The following CAMK2D variants were observed in gnomAD, a reference collection of about 807,000 sequenced individuals.
CAMK2D encodes calcium/calmodulin-dependent protein kinase type II subunit delta.
A neutral mutation model predicts 84.0 loss-of-function variants in CAMK2D; 37 were observed. That is an observed-to-expected ratio of 0.44 (90% CI 0.34 to 0.58). The LOEUF is 0.58. Ranked by LOEUF, CAMK2D falls within the 20% of genes least tolerant of loss-of-function variation. CAMK2D has a pLI of 0.02. For synonymous variants in CAMK2D, 202 were observed against 212.5 expected (o/e 0.95, Z 0.43); for missense variants, 448 against 652.5 (o/e 0.69, Z 3.41).
At chr4:113,637,639 T>C (rs186984049) in intron 3 of CAMK2D, among the ~76,000 whole-genome samples, 8 of 152,296 alleles carry the variant, frequency 5.3e-5, no homozygotes, top group Middle Eastern at 3.4e-3. Flanking sequence ...AATCCAACTA[T>C]TCAGGGGGTT....
At chr4:113,639,279 A>T (rs187716463) in intron 3 of CAMK2D, among the ~76,000 whole-genome samples, 15 of 152,198 alleles carry the variant, frequency 9.9e-5, no homozygotes, top group African/African-American at 2.9e-4. Flanking sequence ...AAGAAAAAAA[A>T]TGCATAGTAA....
chr4:113,726,374 C>CTTTTTTTT (rs34696947), intron 2 of CAMK2D, among the ~76,000 whole-genome samples: 43 of 69,570 alleles, frequency 6.2e-4, no homozygotes, highest in African/African-American at 1.0e-3. Context: ...TTTGCTTGGG[C>CTTTTTTTT]TTTTTTTTTT....
intron 16 of CAMK2D, among the ~76,000 whole-genome samples, chr4:113,472,833 CTATT>C (rs2097562728): frequency 6.6e-6 from 1 of 152,110 alleles, no homozygotes; most frequent in African/African-American, 2.4e-5. Flanking sequence ...GTTAGCAATT[CTATT>C]TATTTACTTT....
intron 16 of CAMK2D, among the ~76,000 whole-genome samples, chr4:113,500,150 CT>C (rs2098013469): frequency 6.6e-6 from 1 of 152,056 alleles, no homozygotes; most frequent in South Asian, 2.1e-4. Flanking sequence ...TACTTTTTGA[CT>C]GACAAATTTA....
chr4:113,551,795 C>T lies in CAMK2D; in HGVS notation c.341+236G>A, dbSNP rs115279595. 3.8e-3 allele frequency among the ~76,000 whole-genome samples: 574 copies of T among 152,126 alleles called. 2 individuals carry two copies. Among genetic ancestry groups the T allele is most frequent in the African/African-American group, 0.013 (550 of 41,520 alleles). On this transcript the variant is annotated intron_variant, in intron 5 of 20. Transcript: ENST00000511664. ...TATATTGCTTTAGCAGAAGTCATTC[C>T]AATTAGGTGGGGTGTTTTGGTTTGT... is the stretch of plus-strand genomic sequence containing the variant.
chr4:113,636,631 C>T (rs1013443895), intron 3 of CAMK2D, among the ~76,000 whole-genome samples: 1 of 152,174 alleles, frequency 6.6e-6, no homozygotes, highest in Non-Finnish European at 1.5e-5. Flanking sequence ...CAGATGAAGA[C>T]CTGCTTCCTG....
intron 8 of CAMK2D, among the ~76,000 whole-genome samples, chr4:113,518,252 G>A (rs1490100619): frequency 1.3e-5 from 2 of 151,980 alleles, no homozygotes; most frequent in African/African-American, 2.4e-5. Flanking sequence ...GACTACAGAA[G>A]AATATATATT....
intron 4 of CAMK2D, 113 bp from the exon 5 acceptor site, chr4:113,552,209 C>A (rs1228265362): frequency 1.7e-5 from 10 of 580,330 alleles, no homozygotes; most frequent in South Asian, 1.0e-4. Flanking sequence ...TAAAAAAAAT[C>A]AAAACTTTTT....
At chr4:113,701,393 G>A (rs1050027189) in intron 2 of CAMK2D, among the ~76,000 whole-genome samples, 14 of 152,202 alleles carry the variant, frequency 9.2e-5, no homozygotes, top group Admixed American at 7.9e-4. Flanking sequence ...CTGAGATGGG[G>A]TGTGGTATGC....
intron 16 of CAMK2D, among the ~76,000 whole-genome samples, chr4:113,484,711 C>G (rs2097748120): frequency 6.6e-6 from 1 of 152,112 alleles, no homozygotes; most frequent in Non-Finnish European, 1.5e-5. Flanking sequence ...AGCCTTAGAG[C>G]TAAACTTTAT....
chr4:113,648,961 C>CAAG (rs2099162221), intron 3 of CAMK2D, among the ~76,000 whole-genome samples: 1 of 152,170 alleles, frequency 6.6e-6, no homozygotes. Context: ...TTTCTAATTT[C>CAAG]TCCCAATGTT....
intron 16 of CAMK2D, among the ~76,000 whole-genome samples, chr4:113,488,781 C>G (rs958915173): frequency 1.3e-5 from 2 of 152,098 alleles, no homozygotes; most frequent in East Asian, 3.9e-4. Flanking sequence ...ATAGAGTGAG[C>G]TGATGTTTTC....
At position 113,731,078 on chromosome 4, in the gene CAMK2D, G is replaced by GA. The variant is rs201109764; in HGVS notation, c.160+28241dup. ...TCATTCATTTCAATATTCACCAACT[G>GA]AATATTTTCAAGAAGTGCTAGCGAA... On this transcript the variant is annotated intron_variant, in intron 2 of 20. Coordinates refer to ENST00000511664, the MANE Select transcript of CAMK2D (RefSeq NM_001321571.2). 2.3e-4 allele frequency among the ~76,000 whole-genome samples: 35 copies of GA among 152,280 alleles called. No homozygotes were observed. The East Asian group carries it at 6.6e-3, about 29-fold the overall frequency.
intron 3 of CAMK2D, among the ~76,000 whole-genome samples, chr4:113,655,525 G>A (rs1365004418): frequency 6.6e-6 from 1 of 151,998 alleles, no homozygotes; most frequent in East Asian, 1.9e-4. Context: ...AATGGGAAAC[G>A]CTTACCTTAT....
intron 3 of CAMK2D, among the ~76,000 whole-genome samples, chr4:113,633,797 ACAT>A (rs2099099749): frequency 6.6e-6 from 1 of 152,068 alleles, no homozygotes; most frequent in African/African-American, 2.4e-5. Context: ...GTAAAAATGT[ACAT>A]AATATAATGT....
Position 113,465,564 on chromosome 4 carries a change from G to A in CAMK2D, c.1176C>T (p.Ile392=), listed in dbSNP as rs750608072. The change falls in exon 17 of 21, where the codon ATC becomes ATT. Residue 392 remains isoleucine, a synonymous_variant. Transcript: ENST00000511664. The stretch of plus-strand genomic sequence containing the variant: ...CAAAGTCCCCATTGTTGATAGCTTC[G>A]ATCAGTTGTTCAGTGACTTTGATAA... ...QEIIKVTEQL[I]EAINNGDFEA... The A allele has an allele frequency of 6.8e-6, 11 of 1,612,820 alleles. 1 individual carries two copies. The highest frequency in any genetic ancestry group is 5.0e-5 in the Admixed American group (3 of 59,972).
chr4:113,527,461 A>G (rs2098426607), intron 8 of CAMK2D, among the ~76,000 whole-genome samples: 1 of 152,118 alleles, frequency 6.6e-6, no homozygotes, highest in Admixed American at 6.6e-5. Flanking sequence ...TCGTATACTT[A>G]ATAGACTATA....
chr4:113,490,726 C>T (rs1394037291), intron 16 of CAMK2D, among the ~76,000 whole-genome samples: 2 of 149,420 alleles, frequency 1.3e-5, no homozygotes, highest in Admixed American at 1.3e-4. Context: ...TGTAAATTAC[C>T]TTGGGCAGTA....
intron 17 of CAMK2D, among the ~76,000 whole-genome samples, chr4:113,464,852 T>C (rs959962052): frequency 2.6e-5 from 4 of 152,224 alleles, no homozygotes; most frequent in African/African-American, 9.6e-5. Flanking sequence ...TAAGCTGAAA[T>C]GCACATTTTA....
Sources: gnomAD v4.1 joint callset for allele counts (sites outside exome capture counted in the v4.1 genomes callset) on GRCh38, gnomAD v4.1.1 for gene constraint, MANE v1.5 for transcripts, NCBI Gene and HGNC (gene_info 2026-07-23, HGNC 2026-07-21) for gene names.